BICC1: variants seen among roughly 807,000 people sequenced by gnomAD.
The protein encoded by BICC1 is protein bicaudal C homolog 1.
BICC1 carries 43 observed loss-of-function variants against 111.0 expected under a neutral mutation model. The observed-to-expected ratio is 0.39, with a 90% CI of 0.30 to 0.50. The LOEUF is 0.50. BICC1 is among the 20% of genes least tolerant of loss of function. The pLI is 0.88. For missense variants in BICC1, 1,091 were observed against 1,203.2 expected (o/e 0.91, Z 1.38); for synonymous variants, 467 against 434.4 (o/e 1.07, Z -0.93).
At chr10:58,717,394 A>G (rs1840781072) in intron 3 of BICC1, among the ~76,000 whole-genome samples, 1 of 151,920 alleles carries the variant, frequency 6.6e-6, no homozygotes, top group South Asian at 2.1e-4. Context: ...TGAAGCTGAG[A>G]CTTACAATAA....
chr10:58,660,062 C>T (rs533886280), intron 2 of BICC1, among the ~76,000 whole-genome samples: 1 of 152,156 alleles, frequency 6.6e-6, no homozygotes, highest in Non-Finnish European at 1.5e-5. Context: ...TACCCCTTCT[C>T]CTAGCAAGAA....
At chr10:58,827,543 G>A (rs1350717487) in intron 20 of BICC1, among the ~76,000 whole-genome samples, 1 of 152,176 alleles carries the variant, frequency 6.6e-6, no homozygotes, top group African/African-American at 2.4e-5. Flanking sequence ...GGAATTAATA[G>A]AGATGACTTG....
rs370637900 is a variant in BICC1 at position 58,647,853 on chromosome 10, C to G, written c.237+26952C>G. Among the ~76,000 whole-genome samples the G allele has an allele frequency of 1.4e-4, 22 of 152,022 alleles. No homozygotes were observed. In the East Asian group the frequency reaches 3.1e-3, roughly 21 times the overall value. On this transcript the variant is annotated intron_variant, in intron 2 of 20. Coordinates refer to ENST00000373886, the MANE Select transcript of BICC1 (RefSeq NM_001080512.3). ...AACATGAAACTAGCTGAATTTTTCT[C>G]CAGCTTCCTTCAGTGTTTAGCTGTG... is the stretch of plus-strand genomic sequence containing the variant.
chr10:58,830,721 G>A lies in BICC1; in HGVS notation c.*1830G>A, dbSNP rs1437032299. ...GACTGCCCTTTTTAAGCTAAACTAAGCCTTATCTGCTTAAGGATGTTGAAC... is the reference window on the plus strand; with the variant it reads ...GACTGCCCTTTTTAAGCTAAACTAAACCTTATCTGCTTAAGGATGTTGAAC... On this transcript the variant is annotated 3_prime_UTR_variant, in exon 21 of 21. Transcript: ENST00000373886. The A allele has an allele frequency of 6.6e-6, 1 of 152,142 alleles. No individual in the cohort carries two copies. The highest frequency in any genetic ancestry group is 1.9e-4 in the East Asian group (1 of 5,190). 9.4% of individuals were successfully genotyped at this position (152,142 alleles called of 1,614,324 possible). A position where few individuals can be genotyped will look rare whatever the true frequency, so the allele number is the denominator to read the frequency against.
At chr10:58,646,428 A>G (rs951634231) in intron 2 of BICC1, among the ~76,000 whole-genome samples, 2 of 152,178 alleles carry the variant, frequency 1.3e-5, no homozygotes, top group Non-Finnish European at 2.9e-5. Context: ...TAACAGTTTT[A>G]CCATATTTTC....
At chr10:58,725,526 C>T (rs1002480060) in intron 3 of BICC1, among the ~76,000 whole-genome samples, 3 of 152,088 alleles carry the variant, frequency 2.0e-5, no homozygotes, top group East Asian at 1.9e-4. Flanking sequence ...AGGAGCAACG[C>T]GGAACTGTAT....
intron 17 of BICC1, among the ~76,000 whole-genome samples, chr10:58,812,242 G>C (rs909886697): frequency 2.6e-5 from 4 of 152,044 alleles, no homozygotes; most frequent in Admixed American, 1.3e-4. Context: ...GGGATTGGCT[G>C]TGTTGAGGGA....
intron 1 of BICC1, among the ~76,000 whole-genome samples, chr10:58,592,058 T>G (rs537997667): frequency 7.9e-5 from 12 of 152,354 alleles, no homozygotes; most frequent in African/African-American, 2.9e-4. Flanking sequence ...AAATGTGATT[T>G]TATAATGTTT....
At chr10:58,726,611 A>G (rs1295152943) in intron 3 of BICC1, among the ~76,000 whole-genome samples, 1 of 152,158 alleles carries the variant, frequency 6.6e-6, no homozygotes, top group Admixed American at 6.5e-5. Context: ...TTCAACAGGT[A>G]ATGTTGCTAT....
Position 58,768,129 on chromosome 10 carries a change from A to G in BICC1, c.308-16872A>G, listed in dbSNP as rs373219517. ...CTCAGGCAGGTTCAACCAAAATAAA[A>G]CTTCACCAAGACACATAATCTTATT... On this transcript the variant is annotated intron_variant, in intron 3 of 20. Transcript: ENST00000373886. Among the ~76,000 whole-genome samples, 16 of 152,248 alleles carry G rather than the reference A, an allele frequency of 1.1e-4. No individual in the cohort carries two copies. The East Asian group carries it at 3.1e-3, about 29-fold the overall frequency.
intron 3 of BICC1, among the ~76,000 whole-genome samples, chr10:58,743,359 C>A (rs1841729968): frequency 6.6e-6 from 1 of 151,792 alleles, no homozygotes; most frequent in Non-Finnish European, 1.5e-5. Context: ...TCTTGTAGGC[C>A]AATGAAACTT....
At chr10:58,632,529 G>A (rs1837827482) in intron 2 of BICC1, among the ~76,000 whole-genome samples, 1 of 151,822 alleles carries the variant, frequency 6.6e-6, no homozygotes, top group Admixed American at 6.6e-5. Context: ...CCCCTATTCT[G>A]AGGACTCAGG....
At chr10:58,649,816 A>T (rs887503487) in intron 2 of BICC1, among the ~76,000 whole-genome samples, 3 of 150,164 alleles carry the variant, frequency 2.0e-5, no homozygotes, top group Non-Finnish European at 4.4e-5. Context: ...TTTTGCATGT[A>T]TAGGAACTAA....
At chr10:58,781,198 A>G (rs1331980608) in intron 3 of BICC1, among the ~76,000 whole-genome samples, 1 of 152,234 alleles carries the variant, frequency 6.6e-6, no homozygotes, top group Non-Finnish European at 1.5e-5. Flanking sequence ...GTATTTTTAA[A>G]GAGGTGCTAA....
intron 5 of BICC1, 122 bp downstream of exon 5, chr10:58,787,203 G>A (rs954066985): frequency 1.7e-5 from 14 of 840,432 alleles, no homozygotes; most frequent in Non-Finnish European, 2.4e-5. Flanking sequence ...ATGACATACA[G>A]TGTAGATTGT....
At chr10:58,657,697 G>T (rs1361328593) in intron 2 of BICC1, among the ~76,000 whole-genome samples, 2 of 152,022 alleles carry the variant, frequency 1.3e-5, no homozygotes, top group Non-Finnish European at 2.9e-5. Context: ...TCTTTGCCTG[G>T]CATGTACTTA....
intron 1 of BICC1, among the ~76,000 whole-genome samples, chr10:58,590,581 A>G (rs1415553283): frequency 1.3e-5 from 2 of 152,188 alleles, no homozygotes; most frequent in African/African-American, 4.8e-5. Context: ...TTGTAAAGAT[A>G]GATGCTTTGG....
intron 1 of BICC1, among the ~76,000 whole-genome samples, chr10:58,618,896 A>G (rs1367238876): frequency 6.6e-6 from 1 of 152,098 alleles, no homozygotes; most frequent in Non-Finnish European, 1.5e-5. Context: ...AGGGAAAGAT[A>G]ATTTCTTTGA....
intron 3 of BICC1, among the ~76,000 whole-genome samples, chr10:58,780,542 C>G (rs74149131): frequency 2.4e-3 from 370 of 152,286 alleles, no homozygotes; most frequent in African/African-American, 8.6e-3. Context: ...TAGCACATTA[C>G]TCTCTGTAGC....
Sources: allele counts gnomAD v4.1 joint callset (sites outside exome capture counted in the v4.1 genomes callset), GRCh38; gene constraint gnomAD v4.1.1; transcripts MANE v1.5; gene names NCBI Gene and HGNC (gene_info 2026-07-23, HGNC 2026-07-21).